The following NTRK3 variants were observed in gnomAD, a reference collection of about 807,000 sequenced individuals.
NTRK3 encodes NT-3 growth factor receptor.
NTRK3 carries 24 observed loss-of-function variants against 91.7 expected under a neutral mutation model. The observed-to-expected ratio is 0.26, with a 90% CI of 0.19 to 0.37. The LOEUF is 0.37. Among genes scored for constraint, NTRK3 ranks in the 10% least tolerant of loss-of-function variants. The pLI, the probability that NTRK3 is intolerant of heterozygous loss-of-function variation, is 1.00. For synonymous variants in NTRK3, 483 were observed against 404.0 expected (o/e 1.20, Z -2.34); for missense variants, 880 against 1,068.9 (o/e 0.82, Z 2.46).
At chr15:88,094,768 GT>G (rs906387792) in intron 13 of NTRK3, among the ~76,000 whole-genome samples, 73 of 152,166 alleles carry the variant, frequency 4.8e-4, no homozygotes, top group African/African-American at 1.7e-3. Flanking sequence ...AGACGTGAAT[GT>G]CCCTCCTTAA....
chr15:88,099,235 C>T, intron 13 of NTRK3: 1 of 228,554 alleles, frequency 4.4e-6, no homozygotes, highest in Non-Finnish European at 8.7e-6. Flanking sequence ...AAGGAATTCA[C>T]AGAACCAGGG....
intron 14 of NTRK3, among the ~76,000 whole-genome samples, chr15:88,002,838 A>G (rs2141649584): frequency 6.6e-6 from 1 of 151,680 alleles, no homozygotes; most frequent in Non-Finnish European, 1.5e-5. Flanking sequence ...CTATTGAAGG[A>G]AAAAAAACAA....
intron 11 of NTRK3, 58 bp downstream of exon 11, chr15:88,128,653 T>C: frequency 1.3e-6 from 2 of 1,563,870 alleles, no homozygotes; most frequent in Middle Eastern, 1.7e-4. Flanking sequence ...TTGAATTCAA[T>C]AGTTACCGAT....
intron 14 of NTRK3, among the ~76,000 whole-genome samples, chr15:88,031,520 A>G (rs1055783763): frequency 3.9e-5 from 6 of 152,194 alleles, no homozygotes; most frequent in African/African-American, 1.4e-4. Flanking sequence ...GGTTTATCTG[A>G]AAAACAGGTA....
chr15:88,153,393 C>T (rs2151372833), intron 5 of NTRK3, among the ~76,000 whole-genome samples: 1 of 152,132 alleles, frequency 6.6e-6, no homozygotes, highest in Admixed American at 6.5e-5. Context: ...AAGGCATGTG[C>T]CACCACTCCC....
chr15:87,910,275 G>C (rs1157503921), intron 17 of NTRK3, among the ~76,000 whole-genome samples: 1 of 152,200 alleles, frequency 6.6e-6, no homozygotes, highest in Non-Finnish European at 1.5e-5. Context: ...TTCAGGTTTT[G>C]GACTGACCAG....
chr15:87,868,703 T>C (rs924360670), exon 19 of NTRK3: 11 of 220,092 alleles, frequency 5.0e-5, no homozygotes, highest in Non-Finnish European at 1.0e-4. Flanking sequence ...TTTGAGGTTC[T>C]ATGTGGCTGT....
intron 13 of NTRK3, among the ~76,000 whole-genome samples, chr15:88,076,758 G>T (rs925434509): frequency 6.6e-6 from 1 of 152,000 alleles, no homozygotes; most frequent in Admixed American, 6.6e-5. Flanking sequence ...AGCACAAAGG[G>T]GGCCTAACAT....
intron 13 of NTRK3, among the ~76,000 whole-genome samples, chr15:88,121,382 G>A (rs562265560): frequency 2.4e-4 from 36 of 152,268 alleles, no homozygotes; most frequent in African/African-American, 7.7e-4. Context: ...CTAAAACTCA[G>A]CCAAACCAAA....
chr15:88,152,077 G>A (rs1006055554), intron 5 of NTRK3, among the ~76,000 whole-genome samples: 1 of 152,158 alleles, frequency 6.6e-6, no homozygotes, highest in Admixed American at 6.5e-5. Flanking sequence ...GAGGCAGGTG[G>A]ATCACCTGAT....
chr15:88,102,211 G>A (rs1271036942), intron 13 of NTRK3, among the ~76,000 whole-genome samples: 1 of 152,128 alleles, frequency 6.6e-6, no homozygotes, highest in Non-Finnish European at 1.5e-5. Flanking sequence ...GAAGAAGCAA[G>A]AGATGGTTCT....
intron 17 of NTRK3, chr15:87,916,332 C>A (rs974816179): frequency 3.7e-5 from 15 of 406,388 alleles, no homozygotes; most frequent in Admixed American, 1.2e-4. Flanking sequence ...AGGCCTTTTG[C>A]ACTTGAGGAA....
intron 14 of NTRK3, among the ~76,000 whole-genome samples, chr15:87,942,442 G>T (rs1208493287): frequency 6.6e-6 from 1 of 152,210 alleles, no homozygotes; most frequent in Non-Finnish European, 1.5e-5. Flanking sequence ...GTCTCCCACT[G>T]CGAGAAAATA....
chr15:88,137,373 A>C, intron 7 of NTRK3, 31 bp downstream of exon 7: 1 of 1,611,616 alleles, frequency 6.2e-7, no homozygotes, highest in South Asian at 1.1e-5. Flanking sequence ...GCCTCCCTGG[A>C]GCCAGCTGGG....
intron 14 of NTRK3, chr15:87,979,413 G>A (rs2074006353): frequency 1.9e-6 from 3 of 1,613,882 alleles, no homozygotes; most frequent in Non-Finnish European, 2.5e-6. Flanking sequence ...TGGTTAAGAG[G>A]CTTGGAATGT....
At chr15:88,000,677 G>C (rs2076040257) in intron 14 of NTRK3, among the ~76,000 whole-genome samples, 1 of 152,122 alleles carries the variant, frequency 6.6e-6, no homozygotes, top group Admixed American at 6.6e-5. Context: ...CCATGTTGTA[G>C]CAAGTACCAA....
intron 14 of NTRK3, among the ~76,000 whole-genome samples, chr15:88,008,145 G>T (rs1172392571): frequency 1.3e-5 from 2 of 152,156 alleles, no homozygotes; most frequent in East Asian, 3.9e-4. Flanking sequence ...AGAAGAAAAA[G>T]AGCAGAATCC....
intron 13 of NTRK3, among the ~76,000 whole-genome samples, chr15:88,111,412 C>T (rs1028994827): frequency 2.6e-5 from 4 of 152,216 alleles, no homozygotes; most frequent in African/African-American, 4.8e-5. Flanking sequence ...CCCATTAACC[C>T]GCAGCCAAAT....
intron 14 of NTRK3, among the ~76,000 whole-genome samples, chr15:87,967,959 C>G (rs900095143): frequency 6.6e-6 from 1 of 152,186 alleles, no homozygotes; most frequent in African/African-American, 2.4e-5. Flanking sequence ...ATTTCAGAAT[C>G]TGCTTGTGCC....
Sources: gnomAD v4.1 joint callset for allele counts (sites outside exome capture counted in the v4.1 genomes callset) on GRCh38, gnomAD v4.1.1 for gene constraint, MANE v1.5 for transcripts, NCBI Gene and HGNC (gene_info 2026-07-23, HGNC 2026-07-21) for gene names.